Variants in EDC4 observed in about 807,000 individuals in gnomAD.
EDC4 encodes enhancer of mRNA-decapping protein 4.
Under a neutral mutation model 155.8 loss-of-function variants are expected in EDC4, and 64 were observed. That is an observed-to-expected ratio of 0.41 (90% CI 0.34 to 0.51). EDC4 has a LOEUF of 0.51. Among genes scored for constraint, EDC4 ranks in the 20% least tolerant of loss-of-function variants. The pLI is 0.19. For missense variants in EDC4, 1,303 were observed against 1,812.5 expected (o/e 0.72, Z 5.10); for synonymous variants, 684 against 716.8 (o/e 0.95, Z 0.73).
In EDC4 at chr16:67,881,301, T is replaced by C; in HGVS notation, c.2673T>C (p.Ala891=). The C allele has an allele frequency of 6.2e-7, 1 of 1,614,136 alleles. No homozygotes were observed. The highest frequency in any genetic ancestry group is 8.5e-7 in the Non-Finnish European group (1 of 1,180,028). The part of the protein sequence containing the change: ...HDDEVASLAS[A]SGGFGTKVPA... Reference sequence around the variant, plus strand: ...ATGAGGTGGCCAGCCTTGCCTCTGCTTCAGGAGGCTTTGGCACCAAAGTTC... The same window carrying C: ...ATGAGGTGGCCAGCCTTGCCTCTGCCTCAGGAGGCTTTGGCACCAAAGTTC... The change falls in exon 20 of 29, where the codon GCT becomes GCC. Residue 891 remains alanine, a synonymous_variant. Coordinates refer to ENST00000358933, the MANE Select transcript of EDC4 (RefSeq NM_014329.5). This position sits in a 1 kb window ranked among gnomAD's most constrained non-coding sequence, Gnocchi z 5.4.
chr16:67,876,249 T>A lies in EDC4; in HGVS notation c.239+148T>A, dbSNP rs1349056293. 17 of 1,123,826 alleles carry A rather than the reference T, an allele frequency of 1.5e-5. No homozygotes were observed. The highest frequency in any genetic ancestry group is 2.1e-5 in the Non-Finnish European group (17 of 791,442). The allele number at this position is 1,123,826 out of a possible 1,614,324, so 69.6% of individuals were successfully genotyped here. On this transcript the variant is annotated intron_variant, in intron 2 of 28. Transcript: ENST00000358933. This position sits in a 1 kb window ranked among gnomAD's most constrained non-coding sequence, Gnocchi z 5.8. ...GGTGGAGCTTGAGCTTGCACTAGGA[T>A]GAGAGGCAAGGACAAGCTCAGGGGT... is the stretch of plus-strand genomic sequence containing the variant.
In EDC4 at chr16:67,873,149, T is replaced by C; in HGVS notation, c.-113T>C. On this transcript the variant is annotated 5_prime_UTR_variant, in exon 1 of 29. Transcript: ENST00000358933. ...GGCGGTTTGCGAACTGCGGGTGGACTGTGTAGTGACCGGCGTCCCGCTGTC... is the reference window on the plus strand; with the variant it reads ...GGCGGTTTGCGAACTGCGGGTGGACCGTGTAGTGACCGGCGTCCCGCTGTC... 2.5e-6 allele frequency: 2 copies of C among 789,956 alleles called. 1 individual carries two copies. Among genetic ancestry groups the C allele is most frequent in the South Asian group, 5.0e-5 (2 of 39,760 alleles). The allele number at this position is 789,956 out of a possible 1,614,324, so 48.9% of individuals were successfully genotyped here. A position where few individuals can be genotyped will look rare whatever the true frequency, so the allele number is the denominator to read the frequency against.
chr16:67,883,933 T>C lies in EDC4; in HGVS notation c.4014-23T>C. The C allele has an allele frequency of 1.3e-6, 2 of 1,578,956 alleles. No individual in the cohort carries two copies. Among genetic ancestry groups the C allele is most frequent in the Non-Finnish European group, 1.7e-6 (2 of 1,158,834 alleles). ...CGTCTGCTGGCACCCACCTGTAGCC[T>C]GTCCTTTCCCCCCCATCCCCAGCTA... On this transcript the variant is annotated intron_variant, in intron 28 of 28. Coordinates refer to ENST00000358933, the MANE Select transcript of EDC4 (RefSeq NM_014329.5). The surrounding 1 kb of genome is among the most constrained non-coding windows in gnomAD (Gnocchi z 5.3).
At position 67,882,889 on chromosome 16, in the gene EDC4, AGGT is replaced by A; in HGVS notation, c.3629+30_3629+32del. 6.2e-7 allele frequency: 1 copy of A among 1,614,124 alleles called. No homozygotes were observed. Among genetic ancestry groups the A allele is most frequent in the Non-Finnish European group, 8.5e-7 (1 of 1,179,976 alleles). Reference sequence around the variant, plus strand: ...AGGTGTGTGGGCAGAGTACTGGGCAAGGTGGTGGGCTTGAGAAAGGCCAGACTA... The same window carrying A: ...AGGTGTGTGGGCAGAGTACTGGGCAAGGTGGGCTTGAGAAAGGCCAGACTA... On this transcript the variant is annotated intron_variant, in intron 26 of 28. Transcript: ENST00000358933. This position sits in a 1 kb window ranked among gnomAD's most constrained non-coding sequence, Gnocchi z 7.2.
Position 67,877,876 on chromosome 16 carries a change from C to A in EDC4, c.894+31C>A. 1 of 1,612,516 alleles carries A rather than the reference C, an allele frequency of 6.2e-7. No homozygotes were observed. ...CCTGTGACTGCCTGCCTCCCCTGCCCTCCCCACTTCCTCATATCCATCTTC... is the reference window on the plus strand; with the variant it reads ...CCTGTGACTGCCTGCCTCCCCTGCCATCCCCACTTCCTCATATCCATCTTC... On this transcript the variant is annotated intron_variant, in intron 7 of 28. Transcript: ENST00000358933. The surrounding 1 kb of genome is among the most constrained non-coding windows in gnomAD (Gnocchi z 4.9).
Position 67,879,230 on chromosome 16 carries a change from C to T in EDC4, c.1469-7C>T. 6.2e-7 allele frequency: 1 copy of T among 1,614,174 alleles called. No individual in the cohort carries two copies. Among genetic ancestry groups the T allele is most frequent in the Non-Finnish European group, 8.5e-7 (1 of 1,180,028 alleles). ...CAGGGGCTTCATCATCCACACTGTC[C>T]TTTCAGATGGTACCCATGGAGCCGG... On this transcript the variant is annotated splice_region_variant and splice_polypyrimidine_tract_variant and intron_variant, in intron 12 of 28. Transcript: ENST00000358933. This position sits in a 1 kb window ranked among gnomAD's most constrained non-coding sequence, Gnocchi z 6.0.
In EDC4 at chr16:67,883,187, G is replaced by A. The variant is rs1342869884; in HGVS notation, c.3849+10G>A. 15 of 1,557,462 alleles carry A rather than the reference G, an allele frequency of 9.6e-6. No homozygotes were observed. The highest frequency in any genetic ancestry group is 1.3e-5 in the Non-Finnish European group (15 of 1,152,028). On this transcript the variant is annotated intron_variant, in intron 27 of 28. Coordinates refer to ENST00000358933, the MANE Select transcript of EDC4 (RefSeq NM_014329.5). This position sits in a 1 kb window ranked among gnomAD's most constrained non-coding sequence, Gnocchi z 5.3. ...TCAGGCCTTCCAGCAGGTACGATAG[G>A]CATTAGGCCCTGCTAAGGGTCACGT...
chr16:67,883,657 C>G lies in EDC4; in HGVS notation c.3939C>G (p.Leu1313=), dbSNP rs772013203. 1.9e-6 allele frequency: 3 copies of G among 1,614,230 alleles called. No homozygotes were observed. Among genetic ancestry groups the G allele is most frequent in the Non-Finnish European group, 1.7e-6 (2 of 1,180,046 alleles). The part of the protein sequence containing the change: ...AQVFGQPPCP[L]SQPVLLSLIQ... Reference sequence around the variant, plus strand: ...TTTTTGGGCAGCCACCCTGCCCGCTCTCCCAGCCTGTGCTCCTTTCCCTCA... The same window carrying G: ...TTTTTGGGCAGCCACCCTGCCCGCTGTCCCAGCCTGTGCTCCTTTCCCTCA... Residue 1313 remains leucine (L), a synonymous_variant, in exon 28 of 29, where the codon CTC becomes CTG. Coordinates refer to ENST00000358933, the MANE Select transcript of EDC4 (RefSeq NM_014329.5). This position sits in a 1 kb window ranked among gnomAD's most constrained non-coding sequence, Gnocchi z 5.3.
In EDC4 at chr16:67,880,437, G is replaced by A. The variant is rs2058061977; in HGVS notation, c.2098-120G>A. ...TTGGCTGTGGCCTCGTTTTTGACCT[G>A]TATCCCCACTTCCCTGCTGCCCTGT... On this transcript the variant is annotated intron_variant, in intron 17 of 28. Transcript: ENST00000358933. The surrounding 1 kb of genome is among the most constrained non-coding windows in gnomAD (Gnocchi z 5.2). 5 of 1,429,140 alleles carry A rather than the reference G, an allele frequency of 3.5e-6. No individual in the cohort carries two copies. Among genetic ancestry groups the A allele is most frequent in the Non-Finnish European group, 3.8e-6 (4 of 1,051,334 alleles). 88.5% of individuals were successfully genotyped at this position (1,429,140 alleles called of 1,614,324 possible).
chr16:67,883,578 C>T lies in EDC4; in HGVS notation c.3860C>T (p.Ala1287Val). The T allele has an allele frequency of 1.2e-6, 2 of 1,613,848 alleles. No individual in the cohort carries two copies. Among genetic ancestry groups the T allele is most frequent in the East Asian group, 2.2e-5 (1 of 44,878 alleles). The stretch of plus-strand genomic sequence containing the variant: ...TTTTTTCTCCTCCAGGCGCTGACAG[C>T]TGCTGACCTGAACCTGGTGCTGTAT... ...LNQAFQQALT[A>V]ADLNLVLYVC... Residue 1287 changes from alanine (A) to valine (V), a missense_variant, in exon 28 of 29, where the codon GCT becomes GTT. By Grantham distance (64) the Ala-to-Val change is moderately conservative. Around this residue, in one of 5 missense-constraint regions of EDC4, gnomAD observed 527 missense variants for 757.0 expected, o/e 0.70. Transcript: ENST00000358933. The surrounding 1 kb of genome is among the most constrained non-coding windows in gnomAD (Gnocchi z 5.3).
Position 67,878,524 on chromosome 16 carries a change from G to A in EDC4, c.1089-12G>A. On this transcript the variant is annotated splice_polypyrimidine_tract_variant and intron_variant, in intron 9 of 28. Transcript: ENST00000358933. This position sits in a 1 kb window ranked among gnomAD's most constrained non-coding sequence, Gnocchi z 5.2. ...GCCCCAGCCAGTCACTCACTGCCTTGTTGCCTTGCAGTGTCCCTTTCTGGA... is the reference window on the plus strand; with the variant it reads ...GCCCCAGCCAGTCACTCACTGCCTTATTGCCTTGCAGTGTCCCTTTCTGGA... 1 of 1,614,232 alleles carries A rather than the reference G, an allele frequency of 6.2e-7. No homozygotes were observed. Among genetic ancestry groups the A allele is most frequent in the East Asian group, 2.2e-5 (1 of 44,888 alleles).
At position 67,879,650 on chromosome 16, in the gene EDC4, A is replaced by G. The variant is rs2058056438; in HGVS notation, c.1697A>G (p.Gln566Arg). The change falls in exon 15 of 29, where the codon CAG (glutamine) becomes CGG (arginine). Residue 566 changes from glutamine to arginine, a missense_variant. Transcript: ENST00000358933. The surrounding 1 kb of genome is among the most constrained non-coding windows in gnomAD (Gnocchi z 6.0). ...CTGGGGTCAGCCGCTCACGGCTCCCAGCCTGACCTCCGACGAATCGTGGAG... is the reference window on the plus strand; with the variant it reads ...CTGGGGTCAGCCGCTCACGGCTCCCGGCCTGACCTCCGACGAATCGTGGAG... ...EGLGSAAHGS[Q>R]PDLRRIVELP... 1.9e-6 allele frequency: 3 copies of G among 1,614,162 alleles called. No individual in the cohort carries two copies. The highest frequency in any genetic ancestry group is 2.5e-6 in the Non-Finnish European group (3 of 1,180,016).
rs138978378 is a variant in EDC4 at position 67,884,122 on chromosome 16, G to A, written c.4180G>A (p.Gly1394Ser). Residue 1394 changes from glycine to serine, a missense_variant, in exon 29 of 29, where the codon GGC (glycine) becomes AGC (serine). Gly to Ser is a moderately conservative substitution (Grantham distance 56). Around this residue, in one of 5 missense-constraint regions of EDC4, gnomAD observed 527 missense variants for 757.0 expected, o/e 0.70. Coordinates refer to ENST00000358933, the MANE Select transcript of EDC4 (RefSeq NM_014329.5). This position sits in a 1 kb window ranked among gnomAD's most constrained non-coding sequence, Gnocchi z 4.1. ...AARRLSLMLH[G>S]LVTPSLP Reference sequence around the variant, plus strand: ...TCGGCGTCTCAGCCTCATGCTGCATGGCCTCGTGACCCCCAGCCTCCCTTA... The same window carrying A: ...TCGGCGTCTCAGCCTCATGCTGCATAGCCTCGTGACCCCCAGCCTCCCTTA... 2 of 1,612,084 alleles carry A rather than the reference G, an allele frequency of 1.2e-6. No homozygotes were observed. Among genetic ancestry groups the A allele is most frequent in the African/African-American group, 2.7e-5 (2 of 74,920 alleles).
In EDC4 at chr16:67,879,814, C is replaced by T; in HGVS notation, c.1822-36C>T. ...TAGGGGGACCTGGGAATGCCTCAGC[C>T]ACAGGCCACAGGTCTTATTTCCTGC... On this transcript the variant is annotated intron_variant, in intron 15 of 28. Transcript: ENST00000358933. The surrounding 1 kb of genome is among the most constrained non-coding windows in gnomAD (Gnocchi z 6.0). The T allele has an allele frequency of 6.2e-7, 1 of 1,613,128 alleles. No individual in the cohort carries two copies. Among genetic ancestry groups the T allele is most frequent in the Non-Finnish European group, 8.5e-7 (1 of 1,179,358 alleles).
rs1489445964 is a variant in EDC4 at position 67,880,291 on chromosome 16, C to T, written c.2097+75C>T. On this transcript the variant is annotated intron_variant, in intron 17 of 28. Coordinates refer to ENST00000358933, the MANE Select transcript of EDC4 (RefSeq NM_014329.5). The surrounding 1 kb of genome is among the most constrained non-coding windows in gnomAD (Gnocchi z 5.2). ...CAGGGAAGGTGGGTGGTGGGCTCCT[C>T]CCAGCCCCCTGCTGCTGATCCTGCT... is the stretch of plus-strand genomic sequence containing the variant. 5 of 1,516,484 alleles carry T rather than the reference C, an allele frequency of 3.3e-6. No individual in the cohort carries two copies. The highest frequency in any genetic ancestry group is 3.5e-6 in the Non-Finnish European group (4 of 1,135,326). 93.9% of individuals were successfully genotyped at this position (1,516,484 alleles called of 1,614,324 possible).
Position 67,879,568 on chromosome 16 carries a change from G to A in EDC4, c.1634-19G>A, listed in dbSNP as rs549803029. 7 of 1,613,728 alleles carry A rather than the reference G, an allele frequency of 4.3e-6. No individual in the cohort carries two copies. In the South Asian group the frequency reaches 7.7e-5, roughly 18 times the overall value. ...GACCAGGGTCTGAGATCTAACTCAAGTGGCAACTTGCCCTGCAGCATTTGG... is the reference window on the plus strand; with the variant it reads ...GACCAGGGTCTGAGATCTAACTCAAATGGCAACTTGCCCTGCAGCATTTGG... On this transcript the variant is annotated intron_variant, in intron 14 of 28. Coordinates refer to ENST00000358933, the MANE Select transcript of EDC4 (RefSeq NM_014329.5). This position sits in a 1 kb window ranked among gnomAD's most constrained non-coding sequence, Gnocchi z 6.0.
In EDC4 at chr16:67,876,081, C is replaced by A. The variant is rs2058040189; in HGVS notation, c.219C>A (p.Asn73Lys). 9.9e-6 allele frequency: 16 copies of A among 1,614,124 alleles called. No individual in the cohort carries two copies. Among genetic ancestry groups the A allele is most frequent in the Non-Finnish European group, 1.4e-5 (16 of 1,180,026 alleles). ...KTGLRTMPPI[N>K]LQEKQVICLS... ...GTCTTCGGACCATGCCACCCATTAA[C>A]CTGCAAGAGAAGCAGGTCATGTGAG... Residue 73 changes from asparagine to lysine, a missense_variant, in exon 2 of 29, where the codon AAC becomes AAA. Physicochemically the swap from Asn to Lys is moderately conservative, Grantham distance 94 (BLOSUM62 0). Coordinates refer to ENST00000358933, the MANE Select transcript of EDC4 (RefSeq NM_014329.5). This position sits in a 1 kb window ranked among gnomAD's most constrained non-coding sequence, Gnocchi z 5.8.
Position 67,884,179 on chromosome 16 carries a change from T to G in EDC4, c.*31T>G. On this transcript the variant is annotated 3_prime_UTR_variant, in exon 29 of 29. Coordinates refer to ENST00000358933, the MANE Select transcript of EDC4 (RefSeq NM_014329.5). The surrounding 1 kb of genome is among the most constrained non-coding windows in gnomAD (Gnocchi z 4.1). ...AAGCCTGCCTTGCCCAGGGGTGGGA[T>G]GGCACTGAAGGCCAGCAGACAGGCC... 1 of 1,570,974 alleles carries G rather than the reference T, an allele frequency of 6.4e-7. No homozygotes were observed. Among genetic ancestry groups the G allele is most frequent in the Non-Finnish European group, 8.7e-7 (1 of 1,155,820 alleles).
chr16:67,884,221 C>G lies in EDC4; in HGVS notation c.*73C>G. 1.4e-6 allele frequency: 2 copies of G among 1,403,714 alleles called. No homozygotes were observed. Among genetic ancestry groups the G allele is most frequent in the Non-Finnish European group, 1.9e-6 (2 of 1,049,162 alleles). The allele number at this position is 1,403,714 out of a possible 1,614,324, so 87.0% of individuals were successfully genotyped here. A position where few individuals can be genotyped will look rare whatever the true frequency, so the allele number is the denominator to read the frequency against. On this transcript the variant is annotated 3_prime_UTR_variant, in exon 29 of 29. Coordinates refer to ENST00000358933, the MANE Select transcript of EDC4 (RefSeq NM_014329.5). The surrounding 1 kb of genome is among the most constrained non-coding windows in gnomAD (Gnocchi z 4.1). ...AGACAGGCCTAGGCTGGGGCAGGGT[C>G]ACGGCTGGCCTTTACCTGCTCAGGC... is the stretch of plus-strand genomic sequence containing the variant.
Sources: gnomAD v4.1 joint callset for allele counts on GRCh38, gnomAD v4.1.1 for gene constraint, gnomAD v4.1.1 regional missense constraint, Gnocchi (gnomAD v3.1) non-coding constraint, MANE v1.5 for transcripts, NCBI Gene and HGNC (gene_info 2026-07-23, HGNC 2026-07-21) for gene names.